The following PDE1C variants were observed in gnomAD, a reference collection of about 807,000 sequenced individuals.
The protein encoded by PDE1C is dual specificity calcium/calmodulin-dependent 3',5'-cyclic nucleotide phosphodiesterase 1C.
A neutral mutation model predicts 93.1 loss-of-function variants in PDE1C; 62 were observed. The observed-to-expected ratio is 0.67, with a 90% CI of 0.54 to 0.82. The LOEUF is 0.82. Among genes scored for constraint, PDE1C ranks in the 40% least tolerant of loss-of-function variants. The pLI is 0.00. For synonymous variants in PDE1C, 325 were observed against 310.1 expected (o/e 1.05, Z -0.50); for missense variants, 742 against 884.6 (o/e 0.84, Z 2.04).
the PDE1C span, among the ~76,000 whole-genome samples, chr7:31,682,441 T>C: frequency 6.6e-6 from 1 of 152,130 alleles, no homozygotes; most frequent in African/African-American, 2.4e-5. Flanking sequence ...TTCACACCTA[T>C]CAAAATGGGT....
chr7:31,754,911 C>T (rs901525299), intron 17 of PDE1C, among the ~76,000 whole-genome samples: 8 of 152,098 alleles, frequency 5.3e-5, no homozygotes, highest in East Asian at 1.9e-4. Flanking sequence ...TTTAAGAGGT[C>T]GGAGGAATCC....
At chr7:31,839,548 T>C (rs1791581162) in intron 9 of PDE1C, among the ~76,000 whole-genome samples, 1 of 152,184 alleles carries the variant, frequency 6.6e-6, no homozygotes. Flanking sequence ...TTCTATCATA[T>C]GAGCATACCA....
chr7:32,033,027 G>A (rs1027393803), intron 2 of PDE1C, among the ~76,000 whole-genome samples: 1 of 152,024 alleles, frequency 6.6e-6, no homozygotes, highest in Non-Finnish European at 1.5e-5. Context: ...TAATTCAGAA[G>A]GTGACTTCTC....
the PDE1C span, among the ~76,000 whole-genome samples, chr7:31,726,822 C>G: frequency 1.3e-5 from 2 of 152,154 alleles, no homozygotes; most frequent in Non-Finnish European, 2.9e-5. Context: ...CACCTGAGGT[C>G]AGGAGTTCGA....
At chr7:31,876,549 C>A (rs1367774862) in intron 5 of PDE1C, among the ~76,000 whole-genome samples, 1 of 152,010 alleles carries the variant, frequency 6.6e-6, no homozygotes, top group Non-Finnish European at 1.5e-5. Flanking sequence ...ATTTATGTTC[C>A]CGATAAAGGA....
intron 2 of PDE1C, among the ~76,000 whole-genome samples, chr7:32,183,587 G>A (rs890230192): frequency 2.6e-3 from 390 of 152,072 alleles, no homozygotes; most frequent in African/African-American, 9.2e-3. Context: ...CTGGGAAAAC[G>A]GGCTAGCCAT....
chr7:32,188,052 T>G (rs1369606669), intron 2 of PDE1C, among the ~76,000 whole-genome samples: 2 of 152,214 alleles, frequency 1.3e-5, no homozygotes, highest in Non-Finnish European at 1.5e-5. Context: ...AGGTATAGAT[T>G]TATTGAATTT....
At chr7:32,378,264 A>C (rs888508062) in intron 1 of PDE1C, among the ~76,000 whole-genome samples, 8 of 152,200 alleles carry the variant, frequency 5.3e-5, no homozygotes, top group African/African-American at 1.9e-4. Context: ...AGCAGCCAGA[A>C]AGATTCTTCT....
At chr7:32,374,098 G>GGGAGGGAA (rs70989653) in intron 1 of PDE1C, among the ~76,000 whole-genome samples, 2,991 of 8,140 alleles carry the variant, frequency 0.37, 269 homozygotes, top group South Asian at 0.6. Flanking sequence ...GAGGGAGGGA[G>GGGAGGGAA]GGAGGGAAGG....
intron 1 of PDE1C, among the ~76,000 whole-genome samples, chr7:32,263,669 T>C (rs1305097865): frequency 2.0e-5 from 3 of 152,202 alleles, no homozygotes; most frequent in Non-Finnish European, 2.9e-5. Flanking sequence ...TTGTCATGCC[T>C]CTTTAGCCCT....
At chr7:32,096,820 A>AAGATAGAC (rs139722736) in intron 3 of PDE1C, among the ~76,000 whole-genome samples, 1 of 144,482 alleles carries the variant, frequency 6.9e-6, no homozygotes, top group Non-Finnish European at 1.5e-5. Flanking sequence ...AGGGGATAGA[A>AAGATAGAC]AGATAGATAG....
chr7:31,736,429 C>T, the PDE1C span, among the ~76,000 whole-genome samples: 1 of 152,204 alleles, frequency 6.6e-6, no homozygotes, highest in East Asian at 1.9e-4. Context: ...ATCCACCCCA[C>T]ACCTAAGGCA....
At chr7:31,820,687 A>G (rs1266334174) in intron 14 of PDE1C, 4 of 152,172 alleles carry the variant, frequency 2.6e-5, no homozygotes, top group Non-Finnish European at 5.9e-5. Context: ...CCACCAACAG[A>G]AAACAGATGC....
At chr7:31,812,277 G>T (rs1787650935) in intron 15 of PDE1C, among the ~76,000 whole-genome samples, 1 of 152,052 alleles carries the variant, frequency 6.6e-6, no homozygotes, top group South Asian at 2.1e-4. Context: ...TGAAGACTCA[G>T]GTTCCTGTTT....
the PDE1C span, chr7:31,656,283 C>A: frequency 5.7e-6 from 1 of 176,466 alleles, no homozygotes; most frequent in Non-Finnish European, 1.1e-5. Context: ...AGTACAGACT[C>A]CTTTCTTTAT....
At chr7:32,315,639 A>G (rs1047523109) in intron 1 of PDE1C, among the ~76,000 whole-genome samples, 1 of 152,208 alleles carries the variant, frequency 6.6e-6, no homozygotes, top group Non-Finnish European at 1.5e-5. Flanking sequence ...AAAAATAAAC[A>G]TTTTTAAAGT....
At chr7:31,795,240 G>T (rs1326807221) in intron 16 of PDE1C, among the ~76,000 whole-genome samples, 2 of 151,788 alleles carry the variant, frequency 1.3e-5, no homozygotes, top group East Asian at 1.9e-4. Flanking sequence ...TACTTCAAAG[G>T]TTCCCTTTAT....
intron 2 of PDE1C, among the ~76,000 whole-genome samples, chr7:32,022,102 A>T (rs974897371): frequency 6.6e-6 from 1 of 151,974 alleles, no homozygotes; most frequent in Non-Finnish European, 1.5e-5. Context: ...AGTGTTTGGT[A>T]TATAGTAGGT....
intron 6 of PDE1C, among the ~76,000 whole-genome samples, chr7:31,869,775 C>A (rs1477041700): frequency 6.6e-6 from 1 of 152,078 alleles, no homozygotes; most frequent in Non-Finnish European, 1.5e-5. Flanking sequence ...ACCTAATAGA[C>A]ACTTACAGAA....
Sources: gnomAD v4.1 joint callset for allele counts (sites outside exome capture counted in the v4.1 genomes callset) on GRCh38, gnomAD v4.1.1 for gene constraint, MANE v1.5 for transcripts, NCBI Gene and HGNC (gene_info 2026-07-23, HGNC 2026-07-21) for gene names.